Variants in THSD7A observed in about 807,000 individuals in gnomAD.
The protein encoded by THSD7A is thrombospondin type-1 domain-containing protein 7A.
A neutral mutation model predicts 231.3 loss-of-function variants in THSD7A; 96 were observed. That is an observed-to-expected ratio of 0.41 (90% CI 0.35 to 0.49). The LOEUF (loss-of-function observed/expected upper bound fraction) is 0.49, where lower values mean the gene tolerates loss of function less well. Ranked by LOEUF, THSD7A falls within the 20% of genes least tolerant of loss-of-function variation. The pLI is 0.05. For missense variants in THSD7A, 2,290 were observed against 2,070.2 expected (o/e 1.11, Z -2.06); for synonymous variants, 940 against 743.3 (o/e 1.26, Z -4.30).
At position 11,568,649 on chromosome 7, in the gene THSD7A, AAAAAACC is replaced by A. The variant is rs1262239265; in HGVS notation, c.1453+21804_1453+21810del. 6.9e-5 allele frequency among the ~76,000 whole-genome samples: 10 copies of A among 145,476 alleles called. 1 individual carries two copies. The highest frequency in any genetic ancestry group is 3.6e-4 in the Admixed American group (5 of 14,060). On this transcript the variant is annotated intron_variant, in intron 4 of 27. Coordinates refer to ENST00000423059, the MANE Select transcript of THSD7A (RefSeq NM_015204.3). ...CAAAAAAAAAAAAAAAAAAAAAAAA[AAAAAACC>A]AAAATCTGGAACAAGGTAAAGATGA... is the stretch of plus-strand genomic sequence containing the variant.
intron 6 of THSD7A, among the ~76,000 whole-genome samples, chr7:11,519,741 C>T (rs926147796): frequency 1.3e-5 from 2 of 152,054 alleles, no homozygotes; most frequent in East Asian, 1.9e-4. Flanking sequence ...AGACTAATAC[C>T]GATTTTAATA....
intron 1 of THSD7A, among the ~76,000 whole-genome samples, chr7:11,741,842 T>C (rs1356255000): frequency 6.6e-6 from 1 of 151,960 alleles, no homozygotes; most frequent in African/African-American, 2.4e-5. Context: ...TTTATAAAAC[T>C]ACCTTAAGTT....
At chr7:11,489,680 G>A (rs1315378766) in intron 6 of THSD7A, among the ~76,000 whole-genome samples, 2 of 151,988 alleles carry the variant, frequency 1.3e-5, no homozygotes, top group African/African-American at 2.4e-5. Context: ...ATATCCCACT[G>A]TTCACCCCAC....
At chr7:11,607,416 A>G (rs556329565) in intron 2 of THSD7A, among the ~76,000 whole-genome samples, 30 of 152,184 alleles carry the variant, frequency 2.0e-4, no homozygotes, top group Admixed American at 4.6e-4. Flanking sequence ...GTTTTTCCAT[A>G]TGGTGAAATG....
chr7:11,563,391 CCT>C (rs1790158970), intron 4 of THSD7A, among the ~76,000 whole-genome samples: 1 of 151,860 alleles, frequency 6.6e-6, no homozygotes, highest in African/African-American at 2.4e-5. Context: ...ACGGAGTGTC[CCT>C]CTGTTTCCCA....
At position 11,424,724 on chromosome 7, in the gene THSD7A, C is replaced by T. The variant is rs1784261204; in HGVS notation, c.3355G>A (p.Gly1119Arg). The T allele has an allele frequency of 6.2e-7, 1 of 1,613,850 alleles. No homozygotes were observed. The highest frequency in any genetic ancestry group is 1.7e-5 in the Admixed American group (1 of 60,002). The change falls in exon 16 of 28, where the codon GGA becomes AGA. Residue 1119 changes from glycine (G) to arginine (R), a missense_variant. Transcript: ENST00000423059. Reference protein sequence around the residue: ...VTFVNMRENCGEGVQTRKVRC... With the variant: ...VTFVNMRENCREGVQTRKVRC... ...ACTTTTCGGGTTTGCACGCCCTCTCCACAGTTCTCCCGCATATTCACAAAG... is the reference window on the plus strand; with the variant it reads ...ACTTTTCGGGTTTGCACGCCCTCTCTACAGTTCTCCCGCATATTCACAAAG...
rs187315374 is a variant in THSD7A, at chr7:11,714,641, T to C, written c.191-77680A>G. On this transcript the variant is annotated intron_variant, in intron 1 of 27. Coordinates refer to ENST00000423059, the MANE Select transcript of THSD7A (RefSeq NM_015204.3). Reference sequence around the variant, plus strand: ...TTTTCTTAAGGAAACACAGAAAGCATCTTCTTAATTAAAAAGTACCCTAAG... The same window carrying C: ...TTTTCTTAAGGAAACACAGAAAGCACCTTCTTAATTAAAAAGTACCCTAAG... 8.2e-4 allele frequency among the ~76,000 whole-genome samples: 124 copies of C among 150,602 alleles called. 1 individual carries two copies. The highest frequency in any genetic ancestry group is 3.0e-3 in the African/African-American group (120 of 40,624).
At chr7:11,788,979 C>T (rs569159513) in intron 1 of THSD7A, among the ~76,000 whole-genome samples, 5 of 151,834 alleles carry the variant, frequency 3.3e-5, no homozygotes, top group African/African-American at 1.2e-4. Context: ...CAAACAGGAA[C>T]AAATGTAATG....
chr7:11,738,997 T>C (rs1000546602), intron 1 of THSD7A, among the ~76,000 whole-genome samples: 18 of 151,998 alleles, frequency 1.2e-4, no homozygotes, highest in African/African-American at 3.9e-4. Context: ...GGATGCATCA[T>C]AGTGACGTTT....
chr7:11,662,424 T>C (rs1023151949), intron 1 of THSD7A, among the ~76,000 whole-genome samples: 3 of 151,150 alleles, frequency 2.0e-5, no homozygotes, highest in South Asian at 2.1e-4. Flanking sequence ...ATGGACAGAT[T>C]TAGGAGAAAT....
At position 11,637,147 on chromosome 7, in the gene THSD7A, T is replaced by C. The variant is rs1383181027; in HGVS notation, c.191-186A>G. The stretch of plus-strand genomic sequence containing the variant: ...AAGTATTTTTGCAAAAGGGGAACTG[T>C]GTCACAGAGTCTATATAAGGTAACT... On this transcript the variant is annotated intron_variant, in intron 1 of 27. Coordinates refer to ENST00000423059, the MANE Select transcript of THSD7A (RefSeq NM_015204.3). This position sits in a 1 kb window ranked among gnomAD's most constrained non-coding sequence, Gnocchi z 4.2. Among the ~76,000 whole-genome samples, 2 of 152,354 alleles carry C rather than the reference T, an allele frequency of 1.3e-5. No individual in the cohort carries two copies. Among genetic ancestry groups the C allele is most frequent in the African/African-American group, 4.8e-5 (2 of 41,576 alleles).
At chr7:11,820,004 C>G (rs1784821095) in intron 1 of THSD7A, among the ~76,000 whole-genome samples, 1 of 152,054 alleles carries the variant, frequency 6.6e-6, no homozygotes, top group Non-Finnish European at 1.5e-5. Context: ...TCATTTTAAT[C>G]CAAGCATCGC....
intron 1 of THSD7A, among the ~76,000 whole-genome samples, chr7:11,829,761 C>T (rs1785138169): frequency 6.6e-6 from 1 of 151,232 alleles, no homozygotes; most frequent in Non-Finnish European, 1.5e-5. Context: ...GAACTACGTT[C>T]AACTCCTTTA....
chr7:11,496,926 T>C (rs1250017713), intron 6 of THSD7A, among the ~76,000 whole-genome samples: 3 of 152,180 alleles, frequency 2.0e-5, no homozygotes, highest in African/African-American at 4.8e-5. Flanking sequence ...ACAATATAGA[T>C]GTCATGAGTC....
At chr7:11,534,854 C>G (rs73286882) in intron 6 of THSD7A, among the ~76,000 whole-genome samples, 12,662 of 152,218 alleles carry the variant, frequency 0.083, 806 homozygotes, top group East Asian at 0.17. Context: ...AATGTCCATA[C>G]TGGCTTTGGC....
At chr7:11,748,397 G>A (rs533512325) in intron 1 of THSD7A, among the ~76,000 whole-genome samples, 35 of 152,014 alleles carry the variant, frequency 2.3e-4, no homozygotes, top group Non-Finnish European at 4.1e-4. Flanking sequence ...ACCATTCCCC[G>A]ATTATCAAAG....
chr7:11,526,715 C>T (rs1372606893), intron 6 of THSD7A, among the ~76,000 whole-genome samples: 1 of 152,156 alleles, frequency 6.6e-6, no homozygotes, highest in Non-Finnish European at 1.5e-5. Context: ...CTCTCTTTCT[C>T]CTGCTGCCAT....
At chr7:11,454,855 C>G (rs1785254350) in intron 11 of THSD7A, among the ~76,000 whole-genome samples, 1 of 151,996 alleles carries the variant, frequency 6.6e-6, no homozygotes. Flanking sequence ...CCTGTTTTCA[C>G]AGCTTTCTGA....
Position 11,458,375 on chromosome 7 carries a change from T to C in THSD7A, c.2605+2287A>G, listed in dbSNP as rs369368909. 8.5e-5 allele frequency among the ~76,000 whole-genome samples: 13 copies of C among 152,140 alleles called. No individual in the cohort carries two copies. In the East Asian group the frequency reaches 1.7e-3, roughly 20 times the overall value. On this transcript the variant is annotated intron_variant, in intron 11 of 27. Transcript: ENST00000423059. ...TAAGATTCTCCACTTCATGTTTCTA[T>C]AGAAATATAAGCTGTACGAAAAAGC...
Sources: gnomAD v4.1 joint callset for allele counts (sites outside exome capture counted in the v4.1 genomes callset) on GRCh38, gnomAD v4.1.1 for gene constraint, Gnocchi (gnomAD v3.1) non-coding constraint, MANE v1.5 for transcripts, NCBI Gene and HGNC (gene_info 2026-07-23, HGNC 2026-07-21) for gene names.